TMEM108: variants seen among roughly 807,000 people sequenced by gnomAD.
TMEM108 encodes the protein cancer/testis antigen 124.
Under a neutral mutation model 35.1 loss-of-function variants are expected in TMEM108, and 12 were observed. The ratio of observed to expected loss-of-function variants is 0.34; its 90% CI spans 0.22 to 0.55. The LOEUF is 0.55. Among genes scored for constraint, TMEM108 ranks in the 20% least tolerant of loss-of-function variants. The pLI is 0.89. For synonymous variants in TMEM108, 287 were observed against 308.6 expected (o/e 0.93, Z 0.73); for missense variants, 680 against 753.3 (o/e 0.90, Z 1.14).
intron 4 of TMEM108, chr3:133,388,813 C>T: frequency 1.0e-6 from 1 of 985,522 alleles, no homozygotes; most frequent in South Asian, 4.7e-5. Flanking sequence ...TCAGCCTATA[C>T]AGGTGCCAGC....
chr3:133,254,674 C>T (rs1029841135), intron 3 of TMEM108, among the ~76,000 whole-genome samples: 7 of 152,170 alleles, frequency 4.6e-5, no homozygotes, highest in Admixed American at 1.3e-4. Context: ...TTAGAATTAT[C>T]AGATACTGAA....
At chr3:133,315,633 T>C (rs2071189701) in intron 3 of TMEM108, among the ~76,000 whole-genome samples, 1 of 152,256 alleles carries the variant, frequency 6.6e-6, no homozygotes, top group South Asian at 2.1e-4. Context: ...GAAGTCTTGC[T>C]GATGTGCTGG....
chr3:133,202,733 T>G (rs1055637719), intron 2 of TMEM108, among the ~76,000 whole-genome samples: 5 of 152,242 alleles, frequency 3.3e-5, no homozygotes, highest in Non-Finnish European at 5.9e-5. Context: ...GCATGATGCC[T>G]CCAGCTTTAT....
At chr3:133,123,983 G>C (rs1466924132) in intron 2 of TMEM108, among the ~76,000 whole-genome samples, 4 of 152,152 alleles carry the variant, frequency 2.6e-5, no homozygotes. Flanking sequence ...CCCACTGTTG[G>C]CTTCTGTTCT....
At chr3:133,073,510 C>CTCTCTTTATATATATA in intron 2 of TMEM108, among the ~76,000 whole-genome samples, 1 of 43,920 alleles carries the variant, frequency 2.3e-5, no homozygotes, top group African/African-American at 1.2e-4. Context: ...CTCTCTCTCT[C>CTCTCTTTATATATATA]TATATATATA....
intron 3 of TMEM108, among the ~76,000 whole-genome samples, chr3:133,319,657 G>C (rs938607159): frequency 4.6e-5 from 7 of 152,168 alleles, no homozygotes; most frequent in African/African-American, 1.4e-4. Context: ...CAGAGCAGGT[G>C]CCGGTATCCA....
intron 5 of TMEM108, among the ~76,000 whole-genome samples, chr3:133,394,821 G>GT (rs1380304961): frequency 7.5e-6 from 1 of 133,586 alleles, no homozygotes; most frequent in Non-Finnish European, 1.7e-5. Flanking sequence ...TCATACAGCA[G>GT]TAAGTACTCC....
chr3:133,096,624 T>C (rs1004145353), intron 2 of TMEM108, among the ~76,000 whole-genome samples: 9 of 152,202 alleles, frequency 5.9e-5, no homozygotes, highest in African/African-American at 1.9e-4. Context: ...CCATGCACTG[T>C]GCCTTTCCTA....
At chr3:133,322,910 T>A (rs1255920113) in intron 3 of TMEM108, among the ~76,000 whole-genome samples, 1 of 151,358 alleles carries the variant, frequency 6.6e-6, no homozygotes, top group African/African-American at 2.4e-5. Flanking sequence ...GAATTAAAAA[T>A]CATATGACCA....
chr3:133,215,539 T>C (rs1265636943), intron 2 of TMEM108, among the ~76,000 whole-genome samples: 1 of 152,156 alleles, frequency 6.6e-6, no homozygotes, highest in Non-Finnish European at 1.5e-5. Flanking sequence ...CATGAAAGCA[T>C]TGCAAGTATT....
intron 1 of TMEM108, among the ~76,000 whole-genome samples, chr3:133,044,258 T>G (rs1254855390): frequency 6.6e-6 from 1 of 152,182 alleles, no homozygotes; most frequent in Admixed American, 6.5e-5. Context: ...TTTGAGATTT[T>G]GGGGGCATGA....
chr3:133,179,738 A>G (rs565303656), intron 2 of TMEM108, among the ~76,000 whole-genome samples: 10 of 152,290 alleles, frequency 6.6e-5, no homozygotes, highest in African/African-American at 2.2e-4. Context: ...GCACACCAAC[A>G]TGGCACATGT....
chr3:133,163,923 A>G (rs897051364), intron 2 of TMEM108, among the ~76,000 whole-genome samples: 2 of 152,126 alleles, frequency 1.3e-5, no homozygotes, highest in Admixed American at 1.3e-4. Flanking sequence ...TTGTTCTCTG[A>G]CAGCTACTTG....
At chr3:133,149,956 T>C (rs1179187417) in intron 2 of TMEM108, among the ~76,000 whole-genome samples, 1 of 152,078 alleles carries the variant, frequency 6.6e-6, no homozygotes, top group Non-Finnish European at 1.5e-5. Context: ...AATATGGGAG[T>C]GCACATATCT....
chr3:133,143,490 A>G (rs1944668570), intron 2 of TMEM108, among the ~76,000 whole-genome samples: 1 of 152,152 alleles, frequency 6.6e-6, no homozygotes, highest in Admixed American at 6.5e-5. Flanking sequence ...TTATCATAAC[A>G]GCTCCAGAAG....
intron 2 of TMEM108, among the ~76,000 whole-genome samples, chr3:133,131,689 C>T (rs1944492661): frequency 6.6e-6 from 1 of 151,640 alleles, no homozygotes; most frequent in Non-Finnish European, 1.5e-5. Context: ...CTAAAATGGC[C>T]TCTAAGTGTA....
intron 2 of TMEM108, among the ~76,000 whole-genome samples, chr3:133,047,822 A>G (rs1943358372): frequency 6.6e-6 from 1 of 152,202 alleles, no homozygotes; most frequent in Admixed American, 6.5e-5. Context: ...ATAGCTAAAT[A>G]GTCTAATGAA....
At chr3:133,089,836 T>C (rs1022727244) in intron 2 of TMEM108, among the ~76,000 whole-genome samples, 10 of 152,206 alleles carry the variant, frequency 6.6e-5, no homozygotes. Flanking sequence ...GCAAATAGAT[T>C]TGTTTGCTGG....
chr3:133,122,926 C>G (rs1364058850), intron 2 of TMEM108, among the ~76,000 whole-genome samples: 1 of 151,742 alleles, frequency 6.6e-6, no homozygotes, highest in Non-Finnish European at 1.5e-5. Flanking sequence ...TAAAAGTTTT[C>G]CTTCCTATTG....
Sources: allele counts gnomAD v4.1 joint callset (sites outside exome capture counted in the v4.1 genomes callset), GRCh38; gene constraint gnomAD v4.1.1; transcripts MANE v1.5; gene names NCBI Gene and HGNC (gene_info 2026-07-23, HGNC 2026-07-21).